GLCCI1: variants seen among roughly 807,000 people sequenced by gnomAD.
GLCCI1 encodes glucocorticoid-induced transcript 1 protein.
A neutral mutation model predicts 52.2 loss-of-function variants in GLCCI1; 24 were observed. The ratio of observed to expected loss-of-function variants is 0.46; its 90% CI spans 0.33 to 0.65. GLCCI1 has a LOEUF of 0.65. GLCCI1 is among the 30% of genes least tolerant of loss of function. GLCCI1 has a pLI of 0.02. For missense variants in GLCCI1, 704 were observed against 701.5 expected, an observed-to-expected ratio of 1.00 and a Z score of -0.04; for synonymous variants, 310 against 276.5, an observed-to-expected ratio of 1.12 and a Z score of -1.20.
intron 4 of GLCCI1, among the ~76,000 whole-genome samples, chr7:8,058,212 TAAAAG>T (rs200165285): frequency 0.012 from 1,885 of 152,282 alleles, 11 homozygotes; most frequent in Non-Finnish European, 0.02. Flanking sequence ...GAATCAAACT[TAAAAG>T]AAATATGTAA....
chr7:7,969,851 G>T lies in GLCCI1; in HGVS notation c.457+44G>T. Reference sequence around the variant, plus strand: ...CCGTCCTCCCGGGCTGCGTCTCCCCGACGGTGCCCTCCGTGGAAACTTCAG... The same window carrying T: ...CCGTCCTCCCGGGCTGCGTCTCCCCTACGGTGCCCTCCGTGGAAACTTCAG... On this transcript the variant is annotated intron_variant, in intron 1 of 7. Transcript: ENST00000223145. The surrounding 1 kb of genome is among the most constrained non-coding windows in gnomAD (Gnocchi z 4.9). 3 of 1,354,992 alleles carry T rather than the reference G, an allele frequency of 2.2e-6. No individual in the cohort carries two copies. The highest frequency in any genetic ancestry group is 2.8e-5 in the South Asian group (2 of 71,742). 83.9% of individuals were successfully genotyped at this position (1,354,992 alleles called of 1,614,324 possible).
At chr7:8,018,795 G>A (rs1019975816) in intron 2 of GLCCI1, among the ~76,000 whole-genome samples, 1 of 152,068 alleles carries the variant, frequency 6.6e-6, no homozygotes, top group African/African-American at 2.4e-5. Context: ...ATGATGGTAT[G>A]ATATTACAGT....
intron 3 of GLCCI1, chr7:8,024,695 C>T (rs959441107): frequency 1.3e-5 from 2 of 152,184 alleles, no homozygotes; most frequent in African/African-American, 2.4e-5. Context: ...TCAGTGAGAA[C>T]ATTTGATTGT....
chr7:8,047,511 C>G (rs1782158692), intron 3 of GLCCI1, among the ~76,000 whole-genome samples: 1 of 152,168 alleles, frequency 6.6e-6, no homozygotes, highest in Non-Finnish European at 1.5e-5. Context: ...AAAACAAAGA[C>G]AAGTACATGC....
intron 6 of GLCCI1, 59 bp from the exon 7 acceptor site, chr7:8,084,838 G>T: frequency 6.3e-7 from 1 of 1,585,720 alleles, no homozygotes; most frequent in Non-Finnish European, 8.6e-7. Context: ...TGTTTGTTTG[G>T]AAATCAAATT....
chr7:8,040,799 G>A (rs1442924775), intron 3 of GLCCI1, among the ~76,000 whole-genome samples: 4 of 152,058 alleles, frequency 2.6e-5, no homozygotes, highest in Admixed American at 6.6e-5. Context: ...AATGTTTATC[G>A]CAGCATCATT....
chr7:8,035,778 G>C (rs531688885), intron 3 of GLCCI1, among the ~76,000 whole-genome samples: 2 of 152,188 alleles, frequency 1.3e-5, no homozygotes, highest in African/African-American at 4.8e-5. Flanking sequence ...GTGTGACAGG[G>C]AAGCAAATCA....
intron 2 of GLCCI1, among the ~76,000 whole-genome samples, chr7:8,020,080 T>C (rs561447038): frequency 9.9e-5 from 15 of 152,254 alleles, no homozygotes; most frequent in South Asian, 2.1e-4. Context: ...GAGCCTTTCA[T>C]AATAACACTT....
chr7:8,055,708 G>A (rs972613745), intron 4 of GLCCI1, 159 bp downstream of exon 4: 1 of 524,706 alleles, frequency 1.9e-6, no homozygotes, highest in Non-Finnish European at 3.4e-6. Flanking sequence ...GCAGCCGGGC[G>A]GCCGGCCTTG....
intron 3 of GLCCI1, among the ~76,000 whole-genome samples, chr7:8,027,509 T>C (rs13225545): frequency 0.061 from 9,242 of 151,210 alleles, 303 homozygotes; most frequent in East Asian, 0.091. Context: ...GAAGAAGGCA[T>C]ACCACCACAA....
In GLCCI1 at chr7:7,969,814, A is replaced by G; in HGVS notation, c.457+7A>G. On this transcript the variant is annotated splice_region_variant and intron_variant, in intron 1 of 7. Transcript: ENST00000223145. This position sits in a 1 kb window ranked among gnomAD's most constrained non-coding sequence, Gnocchi z 4.9. Reference sequence around the variant, plus strand: ...GGCTCGCCCGTGTGCAGAGGTAGCGAGCCCAACCCTCCCGTCCTCCCGGGC... The same window carrying G: ...GGCTCGCCCGTGTGCAGAGGTAGCGGGCCCAACCCTCCCGTCCTCCCGGGC... 6.9e-7 allele frequency: 1 copy of G among 1,451,410 alleles called. No individual in the cohort carries two copies. Among genetic ancestry groups the G allele is most frequent in the South Asian group, 1.3e-5 (1 of 79,118 alleles). The allele number at this position is 1,451,410 out of a possible 1,614,324, so 89.9% of individuals were successfully genotyped here.
chr7:8,004,091 C>G (rs146870137), intron 2 of GLCCI1, 32 bp downstream of exon 2: 1 of 1,581,560 alleles, frequency 6.3e-7, no homozygotes, highest in Non-Finnish European at 8.6e-7. Context: ...CAGCTTATTA[C>G]CCTGCACTTC....
intron 3 of GLCCI1, among the ~76,000 whole-genome samples, chr7:8,029,582 A>G (rs539737664): frequency 6.6e-6 from 1 of 152,338 alleles, no homozygotes; most frequent in East Asian, 1.9e-4. Context: ...TAAAAGAGAA[A>G]GAAATAAAGG....
At chr7:7,995,584 A>G (rs1334890492) in intron 1 of GLCCI1, among the ~76,000 whole-genome samples, 2 of 152,210 alleles carry the variant, frequency 1.3e-5, no homozygotes, top group African/African-American at 4.8e-5. Flanking sequence ...AAAAAGGATG[A>G]GTTCATGTCC....
At chr7:8,076,686 T>C (rs1243509004) in intron 6 of GLCCI1, among the ~76,000 whole-genome samples, 1 of 152,190 alleles carries the variant, frequency 6.6e-6, no homozygotes, top group African/African-American at 2.4e-5. Context: ...AATCAAAAAT[T>C]TTTAACATAC....
At chr7:8,061,241 A>G (rs375563638) in intron 5 of GLCCI1, among the ~76,000 whole-genome samples, 16 of 151,808 alleles carry the variant, frequency 1.1e-4, no homozygotes, top group Admixed American at 7.9e-4. Context: ...CTGGGACTAC[A>G]GGTGCCCGCC....
chr7:8,002,413 A>C (rs2115425738), intron 1 of GLCCI1, among the ~76,000 whole-genome samples: 1 of 152,344 alleles, frequency 6.6e-6, no homozygotes, highest in African/African-American at 2.4e-5. Context: ...CAATGAGTAG[A>C]AATGGGTTCC....
chr7:8,028,302 A>G (rs552797006), intron 3 of GLCCI1, among the ~76,000 whole-genome samples: 158 of 152,336 alleles, frequency 1.0e-3, no homozygotes, highest in South Asian at 2.1e-3. Flanking sequence ...ATCAATAACA[A>G]GGGGAATTTT....
chr7:7,970,256 G>T (rs539889808), intron 1 of GLCCI1, among the ~76,000 whole-genome samples: 1 of 152,222 alleles, frequency 6.6e-6, no homozygotes, highest in Admixed American at 6.5e-5. Context: ...TTTTTTAGAG[G>T]GTTGGTGGCA....
Sources: gnomAD v4.1 joint callset for allele counts (sites outside exome capture counted in the v4.1 genomes callset) on GRCh38, gnomAD v4.1.1 for gene constraint, Gnocchi (gnomAD v3.1) non-coding constraint, MANE v1.5 for transcripts, NCBI Gene and HGNC (gene_info 2026-07-23, HGNC 2026-07-21) for gene names.